RPS19: variants seen among roughly 807,000 people sequenced by gnomAD.
RPS19 encodes the protein small ribosomal subunit protein eS19.
In RPS19, 1 loss-of-function variant was observed where a neutral mutation model predicts 20.3. The observed-to-expected ratio is 0.05, with a 90% CI of 0.02 to 0.23. The LOEUF (loss-of-function observed/expected upper bound fraction) is 0.23, where lower values mean the gene tolerates loss of function less well. RPS19 is among the 10% of genes least tolerant of loss of function. RPS19 has a pLI of 1.00. For missense variants in RPS19, 111 were observed against 192.7 expected, an observed-to-expected ratio of 0.58 and a Z score of 2.51; for synonymous variants, 87 against 74.8, an observed-to-expected ratio of 1.16 and a Z score of -0.84.
At chr19:41,867,365 A>G (rs1235999275) in intron 3 of RPS19, among the ~76,000 whole-genome samples, 1 of 152,044 alleles carries the variant, frequency 6.6e-6, no homozygotes, top group African/African-American at 2.4e-5. Context: ...GTGCAGTGGC[A>G]TGATCTTGGC....
intron 3 of RPS19, chr19:41,864,993 A>G (rs2074069937): frequency 6.6e-6 from 1 of 152,216 alleles, no homozygotes; most frequent in South Asian, 2.1e-4. Context: ...TGGGTCAGAA[A>G]AAAATAATTA....
chr19:41,860,928 TG>T, intron 2 of RPS19, 83 bp downstream of exon 2: 1 of 1,330,454 alleles, frequency 7.5e-7, no homozygotes, highest in Non-Finnish European at 1.1e-6. Flanking sequence ...TGCCGGTCCC[TG>T]GCAGGCGAGG....
intron 5 of RPS19, 149 bp from the exon 6 acceptor site, chr19:41,871,202 G>T (rs544861149): frequency 2.6e-6 from 2 of 769,864 alleles, no homozygotes; most frequent in Non-Finnish European, 2.4e-6. Context: ...TGAAATGGGG[G>T]AATACCCACA....
chr19:41,862,519 G>A (rs61761231), intron 3 of RPS19, among the ~76,000 whole-genome samples: 1 of 152,156 alleles, frequency 6.6e-6, no homozygotes, highest in Non-Finnish European at 1.5e-5. Context: ...AGTGCCTCAA[G>A]GGTCAGTTGG....
intron 3 of RPS19, among the ~76,000 whole-genome samples, chr19:41,861,930 C>T (rs934288235): frequency 6.6e-6 from 1 of 152,198 alleles, no homozygotes; most frequent in African/African-American, 2.4e-5. Context: ...TCTCACGTGT[C>T]TTAATATTTC....
At chr19:41,862,049 G>A (rs2074037778) in intron 3 of RPS19, among the ~76,000 whole-genome samples, 1 of 151,170 alleles carries the variant, frequency 6.6e-6, no homozygotes, top group South Asian at 2.1e-4. Context: ...AAGGGGCCTC[G>A]GCCTCTCCAA....
At chr19:41,860,646 G>A in intron 1 of RPS19, 129 bp from the exon 2 acceptor site, 1 of 802,522 alleles carries the variant, frequency 1.2e-6, no homozygotes, top group Non-Finnish European at 2.2e-6. Context: ...GGCGTTGAAG[G>A]GGCCGTGGGA....
intron 3 of RPS19, among the ~76,000 whole-genome samples, chr19:41,863,419 A>G (rs995694091): frequency 2.0e-5 from 3 of 152,180 alleles, no homozygotes; most frequent in East Asian, 1.9e-4. Context: ...ACTTGCTGCA[A>G]GTTACCCTGG....
At chr19:41,863,824 A>C (rs2074057266) in intron 3 of RPS19, 1 of 145,468 alleles carries the variant, frequency 6.9e-6, no homozygotes, top group South Asian at 2.2e-4. Context: ...GGGGTGGTGC[A>C]GTGTAGCCCC....
At chr19:41,869,274 C>A in intron 4 of RPS19, 60 bp downstream of exon 4, 1 of 1,465,482 alleles carries the variant, frequency 6.8e-7, no homozygotes, top group Middle Eastern at 2.3e-4. Context: ...TCATCAATTC[C>A]CCAACGAATG....
chr19:41,863,768 C>CTCT (rs1555839840), intron 3 of RPS19: 2 of 151,380 alleles, frequency 1.3e-5, no homozygotes, highest in African/African-American at 4.9e-5. Context: ...CAAAGACTTG[C>CTCT]TCTCACTGGA....
At chr19:41,863,548 C>T (rs768478003) in intron 3 of RPS19, among the ~76,000 whole-genome samples, 7 of 152,174 alleles carry the variant, frequency 4.6e-5, no homozygotes, top group Non-Finnish European at 8.8e-5. Flanking sequence ...TGTGCTAAAG[C>T]AGCGCCCTTG....
chr19:41,867,603 C>A (rs918680615), intron 3 of RPS19, among the ~76,000 whole-genome samples: 1 of 152,234 alleles, frequency 6.6e-6, no homozygotes, highest in African/African-American at 2.4e-5. Flanking sequence ...TGAGCCACTG[C>A]GCCCGGCCTG....
At chr19:41,860,922 G>A in intron 2 of RPS19, 77 bp downstream of exon 2, 4 of 1,363,300 alleles carry the variant, frequency 2.9e-6, no homozygotes, top group Non-Finnish European at 4.1e-6. Context: ...AGTGTTTGCC[G>A]GTCCCTGGCA....
intron 3 of RPS19, 99 bp from the exon 4 acceptor site, chr19:41,868,932 T>G (rs1555841259): frequency 7.9e-7 from 1 of 1,269,770 alleles, no homozygotes; most frequent in Admixed American, 1.8e-5. Flanking sequence ...TCAGTTTCCC[T>G]TCTTATAAAA....
chr19:41,860,530 T>C, intron 1 of RPS19: 1 of 540,736 alleles, frequency 1.8e-6, no homozygotes, highest in Non-Finnish European at 3.4e-6. Flanking sequence ...GGCTGGGGAG[T>C]GGGGTCGCGC....
At chr19:41,869,846 T>G in intron 5 of RPS19, 93 bp downstream of exon 5, 1 of 1,356,500 alleles carries the variant, frequency 7.4e-7, no homozygotes, top group Non-Finnish European at 1.1e-6. Flanking sequence ...TATTTCCTTC[T>G]CTGGAGGGCA....
At chr19:41,861,716 T>C in intron 3 of RPS19, 1 of 200,074 alleles carries the variant, frequency 5.0e-6, no homozygotes, top group South Asian at 7.6e-5. Flanking sequence ...GCCAGTTGTC[T>C]TTACTATTGC....
chr19:41,864,825 C>T (rs1049091789), intron 3 of RPS19: 1 of 152,212 alleles, frequency 6.6e-6, no homozygotes, highest in Non-Finnish European at 1.5e-5. Context: ...GTACCAGCTA[C>T]GGCGGTCTGC....
Sources: allele counts gnomAD v4.1 joint callset (sites outside exome capture counted in the v4.1 genomes callset), GRCh38; gene constraint gnomAD v4.1.1; transcripts MANE v1.5; gene names NCBI Gene and HGNC (gene_info 2026-07-23, HGNC 2026-07-21).